Variants in CDH4 observed in about 807,000 individuals in gnomAD.
CDH4 encodes cadherin-4.
A neutral mutation model predicts 86.0 loss-of-function variants in CDH4; 33 were observed. The observed-to-expected ratio is 0.38, with a 90% confidence interval of 0.29 to 0.51. CDH4 has a LOEUF of 0.51. Among genes scored for constraint, CDH4 ranks in the 20% least tolerant of loss-of-function variants. CDH4 has a pLI of 0.86. For missense variants in CDH4, 1,114 were observed against 1,307.4 expected (o/e 0.85, Z 2.28); for synonymous variants, 555 against 549.4 (o/e 1.01, Z -0.14).
intron 8 of CDH4, among the ~76,000 whole-genome samples, chr20:61,900,419 G>A (rs1191996356): frequency 6.6e-6 from 1 of 152,152 alleles, no homozygotes; most frequent in Non-Finnish European, 1.5e-5. Context: ...GCAGGGACCA[G>A]GAGCTCCCAC....
intron 4 of CDH4, among the ~76,000 whole-genome samples, chr20:61,830,748 G>A (rs1282073029): frequency 3.9e-5 from 6 of 152,258 alleles, no homozygotes; most frequent in South Asian, 2.1e-4. Flanking sequence ...AGCGGGCGGC[G>A]CTGGCTTCAC....
chr20:61,352,714 T>C (rs939024494), intron 2 of CDH4, among the ~76,000 whole-genome samples: 2 of 152,168 alleles, frequency 1.3e-5, no homozygotes, highest in Non-Finnish European at 2.9e-5. Context: ...CTGTTTCTTG[T>C]TGGTTTGCAG....
At chr20:61,653,538 C>T (rs1160927978) in intron 2 of CDH4, among the ~76,000 whole-genome samples, 4 of 143,720 alleles carry the variant, frequency 2.8e-5, no homozygotes, top group African/African-American at 5.0e-5. Context: ...CCTCACCTCC[C>T]GGACGGGGTG....
At chr20:61,520,255 G>T (rs2085858901) in intron 2 of CDH4, among the ~76,000 whole-genome samples, 1 of 152,174 alleles carries the variant, frequency 6.6e-6, no homozygotes, top group African/African-American at 2.4e-5. Context: ...GCCTGTGTGG[G>T]ACTGTCTGCA....
chr20:61,654,241 A>G (rs1482515967), intron 2 of CDH4, among the ~76,000 whole-genome samples: 1 of 152,150 alleles, frequency 6.6e-6, no homozygotes, highest in Non-Finnish European at 1.5e-5. Flanking sequence ...CGGCCAACAC[A>G]GCGAAACCCC....
At chr20:61,413,818 G>A (rs1366964655) in intron 2 of CDH4, among the ~76,000 whole-genome samples, 5 of 152,098 alleles carry the variant, frequency 3.3e-5, no homozygotes, top group African/African-American at 1.2e-4. Flanking sequence ...ATTCCCCAAG[G>A]GCAGCACTTA....
chr20:61,363,767 C>T (rs1469514384), intron 2 of CDH4, among the ~76,000 whole-genome samples: 1 of 152,168 alleles, frequency 6.6e-6, no homozygotes, highest in East Asian at 1.9e-4. Flanking sequence ...TGAAAGCTAC[C>T]AGGTCAGTGT....
chr20:61,592,165 G>A (rs941632901), intron 2 of CDH4, among the ~76,000 whole-genome samples: 1 of 151,904 alleles, frequency 6.6e-6, no homozygotes, highest in Non-Finnish European at 1.5e-5. Flanking sequence ...CATTTACTTT[G>A]GTGTGAGTTT....
chr20:61,873,659 C>A, intron 6 of CDH4, 69 bp from the exon 7 acceptor site: 1 of 1,533,320 alleles, frequency 6.5e-7, no homozygotes, highest in Non-Finnish European at 8.9e-7. Flanking sequence ...GGGGCTCTGC[C>A]CAGGTGTGTG....
At chr20:61,363,432 TAC>T (rs1332537862) in intron 2 of CDH4, among the ~76,000 whole-genome samples, 1 of 151,320 alleles carries the variant, frequency 6.6e-6, no homozygotes, top group African/African-American at 2.4e-5. Flanking sequence ...CTCTCTCACA[TAC>T]ACACACACAC....
At chr20:61,805,396 G>A (rs1403564512) in intron 4 of CDH4, among the ~76,000 whole-genome samples, 1 of 152,204 alleles carries the variant, frequency 6.6e-6, no homozygotes, top group Non-Finnish European at 1.5e-5. Flanking sequence ...GGGCAGCATG[G>A]CTGGGTGTCC....
At chr20:61,496,957 T>G (rs2085667332) in intron 2 of CDH4, among the ~76,000 whole-genome samples, 1 of 102,052 alleles carries the variant, frequency 9.8e-6, no homozygotes. Context: ...TGGGGATTGA[T>G]TTTTTTTTTT....
At chr20:61,636,861 A>G (rs749788563) in intron 2 of CDH4, among the ~76,000 whole-genome samples, 1 of 152,200 alleles carries the variant, frequency 6.6e-6, no homozygotes, top group Non-Finnish European at 1.5e-5. Context: ...ACCAGGCTGC[A>G]TGGAGGGCAG....
At chr20:61,856,165 A>G (rs889294721) in intron 6 of CDH4, among the ~76,000 whole-genome samples, 5 of 152,242 alleles carry the variant, frequency 3.3e-5, no homozygotes, top group Non-Finnish European at 7.3e-5. Context: ...TGGGATAAGG[A>G]AAAACTACCG....
At chr20:61,782,871 G>T (rs1461527764) in intron 4 of CDH4, among the ~76,000 whole-genome samples, 1 of 152,170 alleles carries the variant, frequency 6.6e-6, no homozygotes, top group African/African-American at 2.4e-5. Context: ...ACCACTTGAG[G>T]CCAGGAGTTC....
intron 2 of CDH4, among the ~76,000 whole-genome samples, chr20:61,266,282 C>T (rs2084157822): frequency 6.6e-6 from 1 of 151,938 alleles, no homozygotes; most frequent in African/African-American, 2.4e-5. Flanking sequence ...AATTTCCAGC[C>T]CCAGAGTGTG....
At chr20:61,489,199 G>A (rs1045344932) in intron 2 of CDH4, among the ~76,000 whole-genome samples, 1 of 152,114 alleles carries the variant, frequency 6.6e-6, no homozygotes, top group African/African-American at 2.4e-5. Context: ...CCCTTTCCAA[G>A]GGGGTCTTCA....
At chr20:61,900,432 A>G (rs3827113) in intron 8 of CDH4, among the ~76,000 whole-genome samples, 119,759 of 151,970 alleles carry the variant, frequency 0.79, 49,984 homozygotes, top group Non-Finnish European at 0.95. Context: ...GCTCCCACCC[A>G]CCCGACATCA....
At chr20:61,492,105 G>GATGTTGGTGGTGTCGATATTGTTA (rs1289576632) in intron 2 of CDH4, among the ~76,000 whole-genome samples, 4 of 151,644 alleles carry the variant, frequency 2.6e-5, no homozygotes, top group African/African-American at 7.2e-5. Flanking sequence ...TGGTGGTGTT[G>GATGTTGGTGGTGTCGATATTGTTA]ATGTTGGTGG....
Sources: gnomAD v4.1 joint callset for allele counts (sites outside exome capture counted in the v4.1 genomes callset) on GRCh38, gnomAD v4.1.1 for gene constraint, MANE v1.5 for transcripts, NCBI Gene and HGNC (gene_info 2026-07-23, HGNC 2026-07-21) for gene names.